Variants in DOCK4 observed in about 807,000 individuals in gnomAD.
DOCK4 encodes the protein dedicator of cytokinesis protein 4.
DOCK4 carries 97 observed loss-of-function variants against 268.1 expected under a neutral mutation model. The observed-to-expected ratio is 0.36, with a 90% CI of 0.31 to 0.43. The LOEUF is 0.43. Among genes scored for constraint, DOCK4 ranks in the 20% least tolerant of loss-of-function variants. DOCK4 has a pLI of 1.00. For missense variants in DOCK4, 2,145 were observed against 2,455.7 expected, an observed-to-expected ratio of 0.87 and a Z score of 2.67; for synonymous variants, 954 against 887.2, an observed-to-expected ratio of 1.08 and a Z score of -1.34.
chr7:111,995,957 C>G (rs995200361), intron 4 of DOCK4, among the ~76,000 whole-genome samples: 7 of 152,106 alleles, frequency 4.6e-5, no homozygotes, highest in African/African-American at 1.7e-4. Context: ...CTGTATATGA[C>G]ATTTTTAAAT....
chr7:112,049,753 A>C (rs1210870207), intron 1 of DOCK4, among the ~76,000 whole-genome samples: 1 of 152,224 alleles, frequency 6.6e-6, no homozygotes, highest in African/African-American at 2.4e-5. Context: ...ATAAGATAGT[A>C]GCACAAAGAT....
At chr7:112,005,465 A>T (rs766176239) in intron 1 of DOCK4, among the ~76,000 whole-genome samples, 4 of 152,234 alleles carry the variant, frequency 2.6e-5, no homozygotes, top group Non-Finnish European at 5.9e-5. Flanking sequence ...CTAATTTATG[A>T]TATCATTTTC....
At chr7:112,066,676 CATATATACATATACATATATATAT>C (rs1460236534) in intron 1 of DOCK4, among the ~76,000 whole-genome samples, 9 of 52,086 alleles carry the variant, frequency 1.7e-4, no homozygotes, top group Non-Finnish European at 2.4e-4. Flanking sequence ...TATACATATA[CATATATACATATACATATATATAT>C]ATATATATAT....
At position 111,853,778 on chromosome 7, in the gene DOCK4, C is replaced by T. The variant is rs866046986; in HGVS notation, c.2474-6652G>A. On this transcript the variant is annotated intron_variant, in intron 23 of 52. Transcript: ENST00000428084. ...GTGTACATCTTACTTTTGGTAGTTA[C>T]GCCACCTCCTGGCCTGGGACTCCTA... 5.9e-5 allele frequency among the ~76,000 whole-genome samples: 9 copies of T among 152,284 alleles called. No individual in the cohort carries two copies. The East Asian group carries it at 7.7e-4, about 13-fold the overall frequency.
chr7:112,198,159 C>G (rs944182964), intron 1 of DOCK4, among the ~76,000 whole-genome samples: 6 of 151,812 alleles, frequency 4.0e-5, no homozygotes, highest in African/African-American at 1.2e-4. Flanking sequence ...GGTAATTAGG[C>G]CATGAGGGGG....
intron 1 of DOCK4, among the ~76,000 whole-genome samples, chr7:112,049,622 A>G (rs73434619): frequency 0.023 from 3,485 of 152,286 alleles, 114 homozygotes; most frequent in African/African-American, 0.078. Flanking sequence ...AAGCAAGACT[A>G]AACTATATGC....
intron 13 of DOCK4, among the ~76,000 whole-genome samples, chr7:111,913,514 A>G (rs1288223525): frequency 1.4e-5 from 2 of 147,336 alleles, no homozygotes; most frequent in Non-Finnish European, 3.0e-5. Flanking sequence ...GGTTCACGCC[A>G]TTCTCCTGCC....
intron 1 of DOCK4, among the ~76,000 whole-genome samples, chr7:112,068,013 G>C (rs1288183192): frequency 7.2e-6 from 1 of 138,550 alleles, no homozygotes; most frequent in African/African-American, 3.3e-5. Context: ...ATTATATACA[G>C]AGCCAAGAAA....
intron 25 of DOCK4, among the ~76,000 whole-genome samples, chr7:111,841,817 C>T (rs183358223): frequency 1.6e-4 from 24 of 152,220 alleles, no homozygotes; most frequent in African/African-American, 2.6e-4. Flanking sequence ...CCTGAAGTCT[C>T]GTAATTGGCA....
intron 1 of DOCK4, among the ~76,000 whole-genome samples, chr7:112,014,956 AG>A (rs1801688031): frequency 1.3e-5 from 2 of 152,286 alleles, no homozygotes; most frequent in South Asian, 4.1e-4. Flanking sequence ...AAGAATTGTC[AG>A]AGGTATTCAA....
intron 42 of DOCK4, among the ~76,000 whole-genome samples, chr7:111,754,767 G>C (rs1011466008): frequency 1.3e-5 from 2 of 152,166 alleles, no homozygotes; most frequent in African/African-American, 4.8e-5. Flanking sequence ...CTGGGGCCTG[G>C]AGCTGGGGTC....
intron 1 of DOCK4, among the ~76,000 whole-genome samples, chr7:112,141,076 A>G (rs1229573947): frequency 6.6e-6 from 1 of 152,156 alleles, no homozygotes; most frequent in Non-Finnish European, 1.5e-5. Flanking sequence ...CATCTCTGGC[A>G]CCCTCTATTC....
chr7:111,750,554 C>T (rs1465291281), intron 42 of DOCK4, among the ~76,000 whole-genome samples: 2 of 152,084 alleles, frequency 1.3e-5, no homozygotes, highest in East Asian at 1.9e-4. Context: ...GGGACTCCAC[C>T]TATAATTCTG....
intron 12 of DOCK4, among the ~76,000 whole-genome samples, chr7:111,933,161 TATATACGTATATACAC>T (rs1562904706): frequency 7.6e-6 from 1 of 131,550 alleles, no homozygotes; most frequent in Non-Finnish European, 1.6e-5. Context: ...TATATACACA[TATATACGTATATACAC>T]ATATATACGT....
At chr7:111,905,845 TTGA>T (rs1791525100) in intron 13 of DOCK4, among the ~76,000 whole-genome samples, 1 of 152,172 alleles carries the variant, frequency 6.6e-6, no homozygotes, top group East Asian at 1.9e-4. Flanking sequence ...TAGATTACTG[TTGA>T]TGATGTTGTT....
At position 112,078,711 on chromosome 7, in the gene DOCK4, T is replaced by C. The variant is rs181348504; in HGVS notation, c.38-74580A>G. Among the ~76,000 whole-genome samples, 73 of 152,282 alleles carry C rather than the reference T, an allele frequency of 4.8e-4. No homozygotes were observed. The East Asian group carries it at 0.013, about 26-fold the overall frequency. Reference sequence around the variant, plus strand: ...GCCAACTGGGAAGAAAGCAGAGGCATAGGAACGTCTGGAGATGAGAAACAG... The same window carrying C: ...GCCAACTGGGAAGAAAGCAGAGGCACAGGAACGTCTGGAGATGAGAAACAG... On this transcript the variant is annotated intron_variant, in intron 1 of 52. Coordinates refer to ENST00000428084, the MANE Select transcript of DOCK4 (RefSeq NM_001363540.2).
chr7:112,066,704 T>TAC (rs1563052305), intron 1 of DOCK4, among the ~76,000 whole-genome samples: 5 of 52,082 alleles, frequency 9.6e-5, no homozygotes, highest in African/African-American at 1.9e-4. Context: ...TATATATATA[T>TAC]ATATATATAT....
At chr7:111,869,043 T>C (rs1219336772) in intron 21 of DOCK4, among the ~76,000 whole-genome samples, 1 of 152,172 alleles carries the variant, frequency 6.6e-6, no homozygotes, top group East Asian at 1.9e-4. Flanking sequence ...TTGTACTCTT[T>C]TTCAACATGT....
chr7:111,790,626 G>C lies in DOCK4; in HGVS notation c.3167-21C>G, dbSNP rs200535445. On this transcript the variant is annotated intron_variant, in intron 30 of 52. Coordinates refer to ENST00000428084, the MANE Select transcript of DOCK4 (RefSeq NM_001363540.2). The stretch of plus-strand genomic sequence containing the variant: ...CTCTCCTAAAGTGAGAAAAATATTT[G>C]AGTTTCAATATATTCAATCTTAATA... 65 of 1,571,280 alleles carry C rather than the reference G, an allele frequency of 4.1e-5. No homozygotes were observed. The Admixed American group carries it at 7.3e-4, about 18-fold the overall frequency.
Sources: allele counts gnomAD v4.1 joint callset (sites outside exome capture counted in the v4.1 genomes callset), GRCh38; gene constraint gnomAD v4.1.1; transcripts MANE v1.5; gene names NCBI Gene and HGNC (gene_info 2026-07-23, HGNC 2026-07-21).